NUP210: variants seen among roughly 807,000 people sequenced by gnomAD.
The protein encoded by NUP210 is nuclear pore membrane glycoprotein 210.
NUP210 carries 151 observed loss-of-function variants against 196.0 expected under a neutral mutation model. The ratio of observed to expected loss-of-function variants is 0.77; its 90% CI spans 0.67 to 0.88. The LOEUF (loss-of-function observed/expected upper bound fraction) is 0.88. Ranked by LOEUF, NUP210 falls within the 40% of genes least tolerant of loss-of-function variation. The pLI is 0.00. For synonymous variants in NUP210, 1,070 were observed against 1,052.7 expected (o/e 1.02, Z -0.32); for missense variants, 2,314 against 2,493.7 (o/e 0.93, Z 1.53).
chr3:13,333,173 T>G (rs529569549), intron 28 of NUP210, among the ~76,000 whole-genome samples: 2 of 152,346 alleles, frequency 1.3e-5, no homozygotes, highest in East Asian at 3.9e-4. Flanking sequence ...GACGCCCAAG[T>G]GCTCCAAGGC....
At chr3:13,389,149 T>G (rs1277255338) in intron 4 of NUP210, among the ~76,000 whole-genome samples, 1 of 152,216 alleles carries the variant, frequency 6.6e-6, no homozygotes, top group African/African-American at 2.4e-5. Context: ...CACTGTGATT[T>G]ATTTCCTCGC....
At position 13,330,604 on chromosome 3, in the gene NUP210, G is replaced by A. The variant is rs765589112; in HGVS notation, c.3966C>T (p.Val1322=). The A allele has an allele frequency of 1.4e-5, 22 of 1,614,084 alleles. No homozygotes were observed. The East Asian group carries it at 4.7e-4, about 34-fold the overall frequency. Residue 1322 remains valine, a synonymous_variant, in exon 30 of 40, where the codon GTC becomes GTT. Transcript: ENST00000254508. ...RDGAASLSYR[V]LDGPEKVPVV... ...CTGGAACCTTTTCGGGTCCATCCAG[G>A]ACGCGGTAGCTCAGAGAGGCTGCAC...
At chr3:13,367,446 A>T (rs1559331366) in intron 13 of NUP210, among the ~76,000 whole-genome samples, 1 of 152,132 alleles carries the variant, frequency 6.6e-6, no homozygotes, top group Non-Finnish European at 1.5e-5. Flanking sequence ...AAAGAAAAAT[A>T]AATAATATTT....
chr3:13,378,190 G>T (rs957759413), intron 8 of NUP210, among the ~76,000 whole-genome samples: 1 of 151,948 alleles, frequency 6.6e-6, no homozygotes, highest in Non-Finnish European at 1.5e-5. Context: ...GCAGGTCTAC[G>T]CTCTGAATCC....
In NUP210 at chr3:13,321,629, C is replaced by A; in HGVS notation, c.5122G>T (p.Glu1708Ter). ...ILLSNHYTSS[E>*]IRVFGAPEVL... ...TCCGGGGCACCAAAGACCCTGATCT[C>A]GGAACTGGTGTAGTGGTTGCTCAAA... The change falls in exon 36 of 40, where the codon GAG (glutamate) becomes TAG (stop). Residue 1708 changes from glutamate (E) to a stop codon, truncating the protein, a stop_gained. Transcript: ENST00000254508. LOFTEE classifies it high-confidence loss of function. The A allele has an allele frequency of 6.2e-7, 1 of 1,614,136 alleles. No individual in the cohort carries two copies. The highest frequency in any genetic ancestry group is 8.5e-7 in the Non-Finnish European group (1 of 1,180,004).
intron 3 of NUP210, among the ~76,000 whole-genome samples, chr3:13,392,365 G>A (rs1036861079): frequency 5.3e-5 from 8 of 152,162 alleles, no homozygotes; most frequent in East Asian, 1.9e-4. Context: ...GTGTCTTTCC[G>A]TCAATGTGAG....
intron 16 of NUP210, among the ~76,000 whole-genome samples, chr3:13,356,937 G>A (rs1698189142): frequency 1.3e-5 from 2 of 152,224 alleles, no homozygotes; most frequent in Admixed American, 1.3e-4. Flanking sequence ...CACAGACAAC[G>A]CTAAGGACAG....
In NUP210 at chr3:13,396,962, C is replaced by A. The variant is rs900181428; in HGVS notation, c.436+395G>T. Among the ~76,000 whole-genome samples the A allele has an allele frequency of 2.6e-5, 4 of 152,026 alleles. No individual in the cohort carries two copies. The East Asian group carries it at 7.7e-4, about 29-fold the overall frequency. ...AGGAAGCCACCACTGGCCCTAAGAG[C>A]CAGAGCAGGGAGCCTCTCCCTGCCT... On this transcript the variant is annotated intron_variant, in intron 3 of 39. Coordinates refer to ENST00000254508, the MANE Select transcript of NUP210 (RefSeq NM_024923.4).
At position 13,354,080 on chromosome 3, in the gene NUP210, G is replaced by A. The variant is rs1279056106; in HGVS notation, c.2356C>T (p.Arg786Trp). 5.0e-6 allele frequency: 8 copies of A among 1,597,510 alleles called. No individual in the cohort carries two copies. Among genetic ancestry groups the A allele is most frequent in the Middle Eastern group, 3.3e-4 (2 of 6,064 alleles). ...TGGTCGTAAGCAGCCAGGTCCAGCC[G>A]GGGGTTGCGGTGGCTGGACACTGGG... ...VVPVSSHRNP[R>W]LDLAAYDQEG... Residue 786 changes from arginine to tryptophan, a missense_variant, in exon 17 of 40, where the codon CGG (arginine) becomes TGG (tryptophan). Transcript: ENST00000254508.
intron 15 of NUP210, among the ~76,000 whole-genome samples, chr3:13,359,962 C>A (rs1698313857): frequency 1.3e-5 from 2 of 152,210 alleles, no homozygotes; most frequent in Admixed American, 1.3e-4. Context: ...CTTGTGACCC[C>A]CGAACTCAAA....
chr3:13,367,190 A>C (rs557275396), intron 13 of NUP210, among the ~76,000 whole-genome samples: 1 of 152,038 alleles, frequency 6.6e-6, no homozygotes, highest in Non-Finnish European at 1.5e-5. Context: ...CAATCCCAGC[A>C]CTTTGGGAGG....
intron 1 of NUP210, among the ~76,000 whole-genome samples, chr3:13,412,160 C>G (rs1006646153): frequency 1.3e-5 from 2 of 151,774 alleles, no homozygotes; most frequent in African/African-American, 2.4e-5. Flanking sequence ...TTTAAGCAAT[C>G]CTCCTGCCTC....
rs1698001569 is a variant in NUP210 at position 13,352,179 on chromosome 3, G to A, written c.2634C>T (p.Asp878=). 1.2e-6 allele frequency: 2 copies of A among 1,612,404 alleles called. No individual in the cohort carries two copies. The highest frequency in any genetic ancestry group is 1.7e-6 in the Non-Finnish European group (2 of 1,179,064). ...LSSARTKQPH[D]PLVPLSASIE... is the part of the protein sequence containing the mutation. The stretch of plus-strand genomic sequence containing the variant: ...TGGAGGCCGACAGAGGCACCAGAGG[G>A]TCATGCTGAAGGACAAGGGCAAGGC... Residue 878 remains aspartate (D), a synonymous_variant, in exon 19 of 40, where the codon GAC becomes GAT. Coordinates refer to ENST00000254508, the MANE Select transcript of NUP210 (RefSeq NM_024923.4).
At chr3:13,342,229 G>A in intron 21 of NUP210, 106 bp from the exon 22 acceptor site, 2 of 1,409,654 alleles carry the variant, frequency 1.4e-6, no homozygotes, top group Non-Finnish European at 1.9e-6. Flanking sequence ...TCAACCCACA[G>A]ACCTGGGAAT....
At chr3:13,335,793 C>A (rs1425093610) in intron 27 of NUP210, among the ~76,000 whole-genome samples, 181 bp from the exon 28 acceptor site, 1 of 152,246 alleles carries the variant, frequency 6.6e-6, no homozygotes, top group Non-Finnish European at 1.5e-5. Flanking sequence ...CTGTGCAGAC[C>A]CGGCTTCCCC....
intron 30 of NUP210, 37 bp from the exon 31 acceptor site, chr3:13,328,983 G>A: frequency 6.3e-7 from 1 of 1,590,334 alleles, no homozygotes; most frequent in Non-Finnish European, 8.6e-7. Flanking sequence ...AGGATTCAGT[G>A]CCAGGGACTG....
chr3:13,384,001 C>G (rs774168972), intron 6 of NUP210, among the ~76,000 whole-genome samples: 11 of 152,204 alleles, frequency 7.2e-5, no homozygotes, highest in Non-Finnish European at 1.5e-4. Flanking sequence ...CTCGCTCTGT[C>G]ACCCAGGCTG....
chr3:13,322,187 A>G lies in NUP210; in HGVS notation c.4915+6T>C, dbSNP rs950431181. ...GTCCCTTTCACTTTCAAATCCTCGC[A>G]ATTACCGAGAGCAGTGTCAAACTGT... is the stretch of plus-strand genomic sequence containing the variant. On this transcript the variant is annotated splice_donor_region_variant and intron_variant, in intron 35 of 39. Coordinates refer to ENST00000254508, the MANE Select transcript of NUP210 (RefSeq NM_024923.4). The G allele has an allele frequency of 1.9e-6, 3 of 1,614,140 alleles. No homozygotes were observed. Among genetic ancestry groups the G allele is most frequent in the African/African-American group, 2.7e-5 (2 of 75,058 alleles).
chr3:13,317,432 A>C lies in NUP210; in HGVS notation c.*249T>G. 1.9e-6 allele frequency: 1 copy of C among 518,484 alleles called. No homozygotes were observed. Among genetic ancestry groups the C allele is most frequent in the Non-Finnish European group, 3.5e-6 (1 of 289,158 alleles). 32.1% of individuals were successfully genotyped at this position (518,484 alleles called of 1,614,324 possible). A position where few individuals can be genotyped will look rare whatever the true frequency, so the allele number is the denominator to read the frequency against. On this transcript the variant is annotated 3_prime_UTR_variant, in exon 40 of 40. Coordinates refer to ENST00000254508, the MANE Select transcript of NUP210 (RefSeq NM_024923.4). ...ACCCTAGACAACCATGCAAAAAGGA[A>C]TGAGCCAAAAAGTCTTAGCTTTGTA...
Sources: gnomAD v4.1 joint callset for allele counts (sites outside exome capture counted in the v4.1 genomes callset) on GRCh38, gnomAD v4.1.1 for gene constraint, MANE v1.5 for transcripts, NCBI Gene and HGNC (gene_info 2026-07-23, HGNC 2026-07-21) for gene names.